ACLY: variants seen among roughly 807,000 people sequenced by gnomAD.
ACLY encodes ATP-citrate synthase.
Under a neutral mutation model 133.0 loss-of-function variants are expected in ACLY, and 41 were observed. The observed-to-expected ratio is 0.31, with a 90% CI of 0.24 to 0.40. The LOEUF (loss-of-function observed/expected upper bound fraction) is 0.40, where lower values mean the gene tolerates loss of function less well. Among genes scored for constraint, ACLY ranks in the 10% least tolerant of loss-of-function variants. The pLI, the probability that ACLY is intolerant of heterozygous loss-of-function variation, is 1.00. For missense variants in ACLY, 1,046 were observed against 1,453.8 expected (o/e 0.72, Z 4.56); for synonymous variants, 495 against 549.3 (o/e 0.90, Z 1.38).
At chr17:41,923,623 T>C (rs2050207565), upstream of ACLY, among the ~76,000 whole-genome samples, 1 of 152,198 alleles carries the variant, frequency 6.6e-6, no homozygotes, top group Non-Finnish European at 1.5e-5. Context: ...CTTGTTCATT[T>C]TGGCATCTCC....
At chr17:41,889,704 T>C (rs2049154927) in intron 16 of ACLY, among the ~76,000 whole-genome samples, 1 of 151,582 alleles carries the variant, frequency 6.6e-6, no homozygotes, top group Non-Finnish European at 1.5e-5. Context: ...TTTTATTTTT[T>C]TTGAGATGGA....
At position 41,909,593 on chromosome 17, in the gene ACLY, C is replaced by T; in HGVS notation, c.453G>A (p.Lys151=). 3 of 1,614,190 alleles carry T rather than the reference C, an allele frequency of 1.9e-6. No individual in the cohort carries two copies. Among genetic ancestry groups the T allele is most frequent in the Non-Finnish European group, 1.7e-6 (2 of 1,180,032 alleles). The stretch of plus-strand genomic sequence containing the variant: ...GTTTCTCATCCACGCCAACAAGCAG[C>T]TTCTGGGCCTTGGCGTCCACATCAC... ...DVGDVDAKAQ[K]LLVGVDEKLN... Residue 151 remains lysine (K), a synonymous_variant, in exon 5 of 29, where the codon AAG becomes AAA. Coordinates refer to ENST00000352035, the MANE Select transcript of ACLY (RefSeq NM_001096.3).
intron 1 of ACLY, among the ~76,000 whole-genome samples, chr17:41,917,791 G>C (rs1231150953): frequency 6.6e-6 from 1 of 152,022 alleles, no homozygotes; most frequent in Non-Finnish European, 1.5e-5. Flanking sequence ...AGTGTCTGAG[G>C]GGTCTTCCCA....
Position 41,908,993 on chromosome 17 carries a change from G to C in ACLY, c.612C>G (p.Pro204=). The change falls in exon 6 of 29, where the codon CCC becomes CCG. Residue 204 remains proline (P), a synonymous_variant. Coordinates refer to ENST00000352035, the MANE Select transcript of ACLY (RefSeq NM_001096.3). The part of the protein sequence containing the change: ...DLYFTYLEIN[P]LVVTKDGVYV... Reference sequence around the variant, plus strand: ...CAGCCAAGCACACCCAGTTACCAAGGGGATTGATCTCGAGGTAGGTGAAGT... The same window carrying C: ...CAGCCAAGCACACCCAGTTACCAAGCGGATTGATCTCGAGGTAGGTGAAGT... 6.2e-7 allele frequency: 1 copy of C among 1,612,794 alleles called. No homozygotes were observed. The highest frequency in any genetic ancestry group is 1.1e-5 in the South Asian group (1 of 90,872).
chr17:41,890,063 T>C (rs78130463), intron 16 of ACLY, among the ~76,000 whole-genome samples: 2 of 152,278 alleles, frequency 1.3e-5, no homozygotes, highest in East Asian at 3.9e-4. Flanking sequence ...TAATCCGAGA[T>C]TGCCCATCAC....
intron 7 of ACLY, 34 bp downstream of exon 7, chr17:41,907,408 C>G (rs578056642): frequency 1.1e-5 from 17 of 1,602,904 alleles, no homozygotes; most frequent in Admixed American, 5.0e-5. Flanking sequence ...CCGCCCTCCC[C>G]CCAGTCCCCA....
At position 41,867,914 on chromosome 17, in the gene ACLY, A is replaced by C. The variant is rs199706431; in HGVS notation, c.3212-10T>G. On this transcript the variant is annotated splice_polypyrimidine_tract_variant and intron_variant, in intron 28 of 28. Transcript: ENST00000352035. ...TGATCAAGATAGTGTCCTAAAATGAAGCAAACACATCTTTTTTATTAGAGC... is the reference window on the plus strand; with the variant it reads ...TGATCAAGATAGTGTCCTAAAATGACGCAAACACATCTTTTTTATTAGAGC... The C allele has an allele frequency of 1.3e-6, 2 of 1,593,824 alleles. No homozygotes were observed. The highest frequency in any genetic ancestry group is 1.7e-5 in the Admixed American group (1 of 58,788).
intron 2 of ACLY, among the ~76,000 whole-genome samples, chr17:41,912,842 T>C (rs2144410368): frequency 6.6e-6 from 1 of 152,312 alleles, no homozygotes; most frequent in Non-Finnish European, 1.5e-5. Flanking sequence ...ATGTGATACA[T>C]TAGCTTCTTC....
chr17:41,884,065 T>A (rs1406278396), intron 19 of ACLY, 128 bp downstream of exon 19: 1 of 624,778 alleles, frequency 1.6e-6, no homozygotes, highest in African/African-American at 1.8e-5. Flanking sequence ...GGCCCCAGCA[T>A]CTAGGGGATG....
At chr17:41,903,974 G>A (rs900705691) in intron 10 of ACLY, among the ~76,000 whole-genome samples, 2 of 151,306 alleles carry the variant, frequency 1.3e-5, no homozygotes, top group Non-Finnish European at 2.9e-5. Context: ...AAAATTAGCC[G>A]GGCACGGTGG....
At chr17:41,894,675 T>C (rs2049317579) in intron 14 of ACLY, among the ~76,000 whole-genome samples, 1 of 151,696 alleles carries the variant, frequency 6.6e-6, no homozygotes, top group Admixed American at 6.6e-5. Flanking sequence ...AAGAAAATTT[T>C]AATGCAGCAA....
Position 41,882,367 on chromosome 17 carries a change from C to CAAAAAAAAAAAAAAAAAA in ACLY, c.2265+737_2265+754dup, listed in dbSNP as rs34078258. ...GGGCGACAGAGTGAGACCCTGTCTC[C>CAAAAAAAAAAAAAAAAAA]AAAAAAAAAAAAAAAAAAAAAAAAA... On this transcript the variant is annotated intron_variant, in intron 20 of 28. Coordinates refer to ENST00000352035, the MANE Select transcript of ACLY (RefSeq NM_001096.3). 4.0e-4 allele frequency among the ~76,000 whole-genome samples: 16 copies of CAAAAAAAAAAAAAAAAAA among 40,252 alleles called. 4 individuals carry two copies. The highest frequency in any genetic ancestry group is 9.6e-4 in the African/African-American group (9 of 9,384). 26.4% of individuals were successfully genotyped at this position (40,252 alleles called of 152,430 possible). A position where few individuals can be genotyped will look rare whatever the true frequency, so the allele number is the denominator to read the frequency against.
Position 41,909,719 on chromosome 17 carries a change from G to C in ACLY, c.346-19C>G. The C allele has an allele frequency of 6.2e-7, 1 of 1,611,204 alleles. No individual in the cohort carries two copies. The highest frequency in any genetic ancestry group is 8.5e-7 in the Non-Finnish European group (1 of 1,177,804). ...CCTCAGCCTTGCAGGTGAAGAGACA[G>C]GACAGTGGGATTGGGGTTGTGGGGG... is the stretch of plus-strand genomic sequence containing the variant. On this transcript the variant is annotated intron_variant, in intron 4 of 28. Coordinates refer to ENST00000352035, the MANE Select transcript of ACLY (RefSeq NM_001096.3).
rs58375126 is a variant in ACLY at position 41,894,216 on chromosome 17, CAA to C, written c.1460-1044_1460-1043del. ...CAGGTGACAGAGCGGGACTCCATCTCAAAAAAAAAAAAAAAAAAATTAGCGTG... is the reference window on the plus strand; with the variant it reads ...CAGGTGACAGAGCGGGACTCCATCTCAAAAAAAAAAAAAAAAATTAGCGTG... On this transcript the variant is annotated intron_variant, in intron 14 of 28. Coordinates refer to ENST00000352035, the MANE Select transcript of ACLY (RefSeq NM_001096.3). Among the ~76,000 whole-genome samples, 809 of 102,648 alleles carry C rather than the reference CAA, an allele frequency of 7.9e-3. 6 individuals carry two copies. Among genetic ancestry groups the C allele is most frequent in the African/African-American group, 0.021 (568 of 26,854 alleles). 67.3% of individuals were successfully genotyped at this position (102,648 alleles called of 152,430 possible).
intron 25 of ACLY, among the ~76,000 whole-genome samples, chr17:41,869,926 C>T (rs144874479): frequency 6.6e-6 from 1 of 152,306 alleles, no homozygotes; most frequent in African/African-American, 2.4e-5. Flanking sequence ...ACTCAAGAGT[C>T]TTAGGTTCCA....
intron 20 of ACLY, among the ~76,000 whole-genome samples, chr17:41,879,326 G>A (rs1355622284): frequency 3.3e-5 from 5 of 150,992 alleles, no homozygotes; most frequent in East Asian, 2.0e-4. Context: ...GGCTGGTCTC[G>A]AACTCCTAAC....
At chr17:41,904,060 T>A (rs1401463025) in intron 10 of ACLY, among the ~76,000 whole-genome samples, 3 of 149,648 alleles carry the variant, frequency 2.0e-5, no homozygotes, top group African/African-American at 7.4e-5. Flanking sequence ...GAGGCTGTAG[T>A]GAGCTGAGAT....
At chr17:41,898,250 T>C (rs1161402966) in intron 12 of ACLY, among the ~76,000 whole-genome samples, 1 of 152,122 alleles carries the variant, frequency 6.6e-6, no homozygotes, top group African/African-American at 2.4e-5. Flanking sequence ...GTAGCTGGGA[T>C]TACAGACATG....
chr17:41,906,548 AC>A lies in ACLY; in HGVS notation c.845del (p.Gly282ValfsTer14). On this transcript the variant is annotated frameshift_variant, in exon 8 of 29. Coordinates refer to ENST00000352035, the MANE Select transcript of ACLY (RefSeq NM_001096.3). LOFTEE classifies it high-confidence loss of function. ...KGRIWTMVAGGGASVVYSDTI... is the reference protein window; with the variant it reads ...KGRIWTMVAGXGASVVYSDTI... The stretch of plus-strand genomic sequence containing the variant: ...GTCACCTGTACACGACAGAGGCGCC[AC>A]CCCCGGCCACCATGGTCCAGATCCT... The A allele has an allele frequency of 6.2e-7, 1 of 1,613,942 alleles. No individual in the cohort carries two copies.
Sources: allele counts gnomAD v4.1 joint callset (sites outside exome capture counted in the v4.1 genomes callset), GRCh38; gene constraint gnomAD v4.1.1; transcripts MANE v1.5; gene names NCBI Gene and HGNC (gene_info 2026-07-23, HGNC 2026-07-21).